The following CMKLR1 variants were observed in gnomAD, a reference collection of about 807,000 sequenced individuals.
CMKLR1 encodes chemerin-like receptor 1.
A neutral mutation model predicts 8.2 loss-of-function variants in CMKLR1; 6 were observed. The observed-to-expected ratio is 0.73, with a 90% CI of 0.40 to 1.44. CMKLR1 has a LOEUF of 1.44. CMKLR1 is among the 40% of genes most tolerant of loss of function. CMKLR1 has a pLI of 0.02. For synonymous variants in CMKLR1, 178 were observed against 181.2 expected (o/e 0.98, Z 0.14); for missense variants, 429 against 478.0 (o/e 0.90, Z 0.96).
intron 2 of CMKLR1, among the ~76,000 whole-genome samples, chr12:108,309,324 C>T (rs1274533444): frequency 6.6e-6 from 1 of 152,140 alleles, no homozygotes; most frequent in Non-Finnish European, 1.5e-5. Flanking sequence ...AATTCCCCTC[C>T]CCCAGCATTT....
rs868536951 is a variant in CMKLR1 at position 108,305,849 on chromosome 12, A to C, written c.-73-12185T>G. ...TCTTTCGGGTTTGGAAGGGGCCACGACGGAGCTTAGGACTCCATAAGAATG... is the reference window on the plus strand; with the variant it reads ...TCTTTCGGGTTTGGAAGGGGCCACGCCGGAGCTTAGGACTCCATAAGAATG... On this transcript the variant is annotated intron_variant, in intron 2 of 3. Transcript: ENST00000550402. Among the ~76,000 whole-genome samples, 45 of 152,252 alleles carry C rather than the reference A, an allele frequency of 3.0e-4. 1 individual carries two copies. The South Asian group carries it at 4.0e-3, about 13-fold the overall frequency.
intron 2 of CMKLR1, among the ~76,000 whole-genome samples, chr12:108,327,011 G>A (rs1891995047): frequency 6.6e-6 from 1 of 152,144 alleles, no homozygotes; most frequent in Non-Finnish European, 1.5e-5. Flanking sequence ...GAGAGAGAGA[G>A]AGAGAGAAAC....
At chr12:108,335,545 T>C (rs1892201209) in intron 1 of CMKLR1, among the ~76,000 whole-genome samples, 1 of 152,242 alleles carries the variant, frequency 6.6e-6, no homozygotes, top group South Asian at 2.1e-4. Context: ...GGGGACCTAT[T>C]TGTTACTGCA....
intron 2 of CMKLR1, among the ~76,000 whole-genome samples, chr12:108,306,318 C>A (rs566123206): frequency 6.6e-6 from 1 of 152,154 alleles, no homozygotes; most frequent in African/African-American, 2.4e-5. Flanking sequence ...TCACTGGACC[C>A]GGAGCGTGGT....
chr12:108,318,615 C>T (rs1279049855), intron 2 of CMKLR1, among the ~76,000 whole-genome samples: 2 of 152,164 alleles, frequency 1.3e-5, no homozygotes, highest in Admixed American at 1.3e-4. Context: ...CTCGTCACCC[C>T]AGAGGGCAGA....
chr12:108,315,207 G>GCAC (rs1837516643), intron 2 of CMKLR1, among the ~76,000 whole-genome samples: 1 of 152,108 alleles, frequency 6.6e-6, no homozygotes. Context: ...ACAGGTGTGA[G>GCAC]CCACTGCACC....
intron 1 of CMKLR1, among the ~76,000 whole-genome samples, chr12:108,332,163 T>G (rs1427717830): frequency 6.6e-6 from 1 of 152,120 alleles, no homozygotes; most frequent in African/African-American, 2.4e-5. Context: ...TGGCAGACAC[T>G]CTCTCAACAA....
chr12:108,316,088 G>T (rs1323740924), intron 2 of CMKLR1, among the ~76,000 whole-genome samples: 1 of 152,184 alleles, frequency 6.6e-6, no homozygotes, highest in East Asian at 1.9e-4. Flanking sequence ...CATACTTCAT[G>T]GAGTCACTGC....
chr12:108,330,844 G>A (rs1593180345), intron 1 of CMKLR1, among the ~76,000 whole-genome samples: 1 of 152,126 alleles, frequency 6.6e-6, no homozygotes, highest in Non-Finnish European at 1.5e-5. Flanking sequence ...GGGGCTGCAG[G>A]CTCCTGCAGC....
At chr12:108,306,070 T>G (rs1891398654) in intron 2 of CMKLR1, among the ~76,000 whole-genome samples, 2 of 152,198 alleles carry the variant, frequency 1.3e-5, no homozygotes, top group Non-Finnish European at 2.9e-5. Flanking sequence ...GATCTCTGTC[T>G]CCAGATCCCT....
intron 2 of CMKLR1, 97 bp from the exon 3 acceptor site, chr12:108,293,761 T>C (rs1891056587): frequency 1.5e-6 from 1 of 675,744 alleles, no homozygotes; most frequent in Admixed American, 2.9e-5. Flanking sequence ...TCTGTTGTTC[T>C]TATTCCCATT....
At chr12:108,304,751 G>C (rs545661326) in intron 2 of CMKLR1, among the ~76,000 whole-genome samples, 1 of 152,114 alleles carries the variant, frequency 6.6e-6, no homozygotes, top group African/African-American at 2.4e-5. Flanking sequence ...TGACAGGCTC[G>C]GCTGCCCCTC....
At chr12:108,299,178 G>A (rs1017699957) in intron 2 of CMKLR1, among the ~76,000 whole-genome samples, 4 of 152,194 alleles carry the variant, frequency 2.6e-5, no homozygotes, top group Non-Finnish European at 5.9e-5. Context: ...GCATATGCCT[G>A]CACCAGGTGC....
chr12:108,328,822 C>A (rs1892041300), intron 2 of CMKLR1, among the ~76,000 whole-genome samples: 3 of 152,240 alleles, frequency 2.0e-5, no homozygotes, highest in Non-Finnish European at 2.9e-5. Flanking sequence ...AAGTCTGCCT[C>A]TCTCCAGTAA....
At chr12:108,319,293 C>A (rs904935440) in intron 2 of CMKLR1, among the ~76,000 whole-genome samples, 1 of 152,210 alleles carries the variant, frequency 6.6e-6, no homozygotes, top group African/African-American at 2.4e-5. Flanking sequence ...AGCCTCCCAA[C>A]AACATTGAGG....
rs539317240 is a variant in CMKLR1, at chr12:108,336,195, T to C, written c.-287+2832A>G. Among the ~76,000 whole-genome samples the C allele has an allele frequency of 1.5e-4, 23 of 152,314 alleles. No homozygotes were observed. The South Asian group carries it at 4.6e-3, about 30-fold the overall frequency. On this transcript the variant is annotated intron_variant, in intron 1 of 3. Coordinates refer to ENST00000550402, the MANE Select transcript of CMKLR1 (RefSeq NM_001142343.2). ...AATGACCTGGGGTGCTGGTTCAACATGCAGACACTGAAGCCTCATCCACAG... is the reference window on the plus strand; with the variant it reads ...AATGACCTGGGGTGCTGGTTCAACACGCAGACACTGAAGCCTCATCCACAG...
Position 108,289,964 on chromosome 12 carries a change from G to A in CMKLR1, c.*1877C>T, listed in dbSNP as rs1044272758. On this transcript the variant is annotated 3_prime_UTR_variant, in exon 4 of 4. Transcript: ENST00000550402. ...GAAGGGACTTGGAAGAGAACAGAAT[G>A]TGGACACTTAGGAGCCAAAGGGCCT... 6.6e-6 allele frequency: 1 copy of A among 152,254 alleles called. No homozygotes were observed. The highest frequency in any genetic ancestry group is 1.5e-5 in the Non-Finnish European group (1 of 68,068). The allele number at this position is 152,254 out of a possible 1,614,324, so 9.4% of individuals were successfully genotyped here.
intron 2 of CMKLR1, among the ~76,000 whole-genome samples, chr12:108,322,593 C>G (rs950261110): frequency 2.6e-5 from 4 of 152,228 alleles, no homozygotes; most frequent in African/African-American, 7.2e-5. Context: ...ACTATGCCAA[C>G]AGGTTCCCCT....
At chr12:108,299,405 GT>G (rs1447382460) in intron 2 of CMKLR1, among the ~76,000 whole-genome samples, 1 of 152,030 alleles carries the variant, frequency 6.6e-6, no homozygotes. Flanking sequence ...CCTTCCCTAA[GT>G]CAACCTCATC....
Sources: allele counts gnomAD v4.1 joint callset (sites outside exome capture counted in the v4.1 genomes callset), GRCh38; gene constraint gnomAD v4.1.1; transcripts MANE v1.5; gene names NCBI Gene and HGNC (gene_info 2026-07-23, HGNC 2026-07-21).